The following SNX4 variants were observed in gnomAD, a reference collection of about 807,000 sequenced individuals.
SNX4 encodes the protein sorting nexin 4, also known as sorting nexin-4.
Under a neutral mutation model 70.8 loss-of-function variants are expected in SNX4, and 49 were observed. That is an observed-to-expected ratio of 0.69 (90% CI 0.55 to 0.88). SNX4 has a LOEUF of 0.88. Ranked by LOEUF, SNX4 falls within the 40% of genes least tolerant of loss-of-function variation. The pLI is 0.00. For synonymous variants in SNX4, 206 were observed against 183.8 expected (o/e 1.12, Z -0.98); for missense variants, 528 against 544.8 (o/e 0.97, Z 0.31).
intron 1 of SNX4, 40 bp from the exon 2 acceptor site, chr3:125,504,784 C>T (rs758196756): frequency 1.9e-6 from 3 of 1,596,554 alleles, no homozygotes; most frequent in Non-Finnish European, 2.6e-6. Context: ...CAACAAAAAC[C>T]TTTAAGATGG....
chr3:125,456,646 C>CA (rs1336427926), intron 11 of SNX4, among the ~76,000 whole-genome samples: 2 of 152,048 alleles, frequency 1.3e-5, no homozygotes, highest in Non-Finnish European at 2.9e-5. Context: ...GACCTTGTCT[C>CA]AAAAAATAAA....
intron 9 of SNX4, among the ~76,000 whole-genome samples, chr3:125,465,880 T>C (rs1459222032): frequency 6.6e-6 from 1 of 152,178 alleles, no homozygotes; most frequent in Non-Finnish European, 1.5e-5. Context: ...TGACCTTAAG[T>C]GATCCACCTG....
intron 5 of SNX4, among the ~76,000 whole-genome samples, chr3:125,496,387 C>T (rs1473759711): frequency 6.6e-6 from 1 of 152,098 alleles, no homozygotes; most frequent in Non-Finnish European, 1.5e-5. Context: ...AATTTTCCTC[C>T]TTCTAGTCTG....
chr3:125,506,344 C>CTTTTTTTTTTT (rs552693772), intron 1 of SNX4, among the ~76,000 whole-genome samples: 4 of 137,730 alleles, frequency 2.9e-5, no homozygotes, highest in African/African-American at 1.1e-4. Flanking sequence ...TTTTTCATTT[C>CTTTTTTTTTTT]TTTTTTTTTT....
intron 1 of SNX4, among the ~76,000 whole-genome samples, chr3:125,507,207 A>G (rs991394693): frequency 4.6e-5 from 7 of 151,476 alleles, no homozygotes; most frequent in African/African-American, 7.3e-5. Context: ...AAAAAAAAAA[A>G]AAAAGAAACC....
intron 8 of SNX4, among the ~76,000 whole-genome samples, chr3:125,471,258 C>T (rs571119768): frequency 1.4e-5 from 2 of 145,858 alleles, no homozygotes; most frequent in Admixed American, 7.0e-5. Flanking sequence ...GTGGGAGAAT[C>T]GCTTGAACCC....
At chr3:125,476,258 TCC>T (rs1934286212) in intron 8 of SNX4, among the ~76,000 whole-genome samples, 1 of 88,892 alleles carries the variant, frequency 1.1e-5, no homozygotes. Flanking sequence ...AGAGCAAGAC[TCC>T]ATCTCAAAAA....
At position 125,504,738 on chromosome 3, in the gene SNX4, G is replaced by A. The variant is rs1935010974; in HGVS notation, c.148C>T (p.His50Tyr). 2 of 1,612,870 alleles carry A rather than the reference G, an allele frequency of 1.2e-6. No individual in the cohort carries two copies. Among genetic ancestry groups the A allele is most frequent in the East Asian group, 4.5e-5 (2 of 44,842 alleles). ...ATCTTCTTCAACCAAAAATTATTGT[G>A]TGTCATCTGGACAAAAGTAAATAAA... Reference protein sequence around the residue: ...EESSGVDTMTHNNFWLKKIEI... With the variant: ...EESSGVDTMTYNNFWLKKIEI... The change falls in exon 2 of 14, where the codon CAC becomes TAC. Residue 50 changes from histidine (H) to tyrosine (Y), a missense_variant. Around this residue, in one of 3 missense-constraint regions of SNX4, gnomAD observed 341 missense variants for 312.2 expected, o/e 1.09. Transcript: ENST00000251775.
intron 7 of SNX4, among the ~76,000 whole-genome samples, chr3:125,477,362 C>T (rs1934310337): frequency 6.6e-6 from 1 of 152,158 alleles, no homozygotes; most frequent in Non-Finnish European, 1.5e-5. Flanking sequence ...ATTTTAATAA[C>T]AACAGAATTA....
At chr3:125,483,748 C>G (rs1427165512) in intron 6 of SNX4, among the ~76,000 whole-genome samples, 1 of 152,090 alleles carries the variant, frequency 6.6e-6, no homozygotes, top group Non-Finnish European at 1.5e-5. Flanking sequence ...TGAAAAAAAT[C>G]ACAATTACTG....
chr3:125,484,224 T>C (rs955460386), intron 6 of SNX4, among the ~76,000 whole-genome samples: 5 of 152,200 alleles, frequency 3.3e-5, no homozygotes, highest in African/African-American at 1.2e-4. Context: ...AAAGTACACC[T>C]ATTGCCATTA....
At position 125,515,073 on chromosome 3, in the gene SNX4, C is replaced by T. The variant is rs186776863; in HGVS notation, c.141+4959G>A. On this transcript the variant is annotated intron_variant, in intron 1 of 13. Transcript: ENST00000251775. The stretch of plus-strand genomic sequence containing the variant: ...ACAATCACATATTAAAGTATGTGTA[C>T]GCTGATTATGATGTAAAAGTGTATT... Among the ~76,000 whole-genome samples the T allele has an allele frequency of 8.5e-5, 13 of 152,208 alleles. 1 individual carries two copies. The East Asian group carries it at 1.5e-3, about 18-fold the overall frequency.
intron 9 of SNX4, among the ~76,000 whole-genome samples, chr3:125,461,469 T>C (rs1056660001): frequency 6.6e-6 from 1 of 152,196 alleles, no homozygotes; most frequent in African/African-American, 2.4e-5. Flanking sequence ...AAGAAGCTTG[T>C]AAGACTGTAA....
chr3:125,510,695 G>A (rs960487776), intron 1 of SNX4, among the ~76,000 whole-genome samples: 1 of 152,144 alleles, frequency 6.6e-6, no homozygotes, highest in South Asian at 2.1e-4. Flanking sequence ...ATGATTCCCT[G>A]TATATGAGGT....
chr3:125,473,368 C>G (rs890401225), intron 8 of SNX4, among the ~76,000 whole-genome samples: 2 of 152,020 alleles, frequency 1.3e-5, no homozygotes, highest in Non-Finnish European at 2.9e-5. Flanking sequence ...AAATTAACAC[C>G]AAAGATGTAC....
Position 125,460,877 on chromosome 3 carries a change from A to AAC in SNX4, c.855-19_855-18dup. On this transcript the variant is annotated splice_polypyrimidine_tract_variant and intron_variant, in intron 9 of 13. Coordinates refer to ENST00000251775, the MANE Select transcript of SNX4 (RefSeq NM_003794.4). Reference sequence around the variant, plus strand: ...GATGCATACCTGTTTTAAAAAAAAAAACACACATTGCATAGAGTTACTTTC... The same window carrying AAC: ...GATGCATACCTGTTTTAAAAAAAAAAACACACACATTGCATAGAGTTACTTTC... 1 of 1,229,858 alleles carries AAC rather than the reference A, an allele frequency of 8.1e-7. No homozygotes were observed. Among genetic ancestry groups the AAC allele is most frequent in the East Asian group, 2.4e-5 (1 of 40,840 alleles). 76.2% of individuals were successfully genotyped at this position (1,229,858 alleles called of 1,614,324 possible). A position where few individuals can be genotyped will look rare whatever the true frequency, so the allele number is the denominator to read the frequency against.
intron 1 of SNX4, 99 bp downstream of exon 1, chr3:125,519,933 C>T (rs1393112748): frequency 1.8e-6 from 2 of 1,093,832 alleles, no homozygotes; most frequent in African/African-American, 3.5e-5. Flanking sequence ...TCGGCCGAGC[C>T]CACTGGCCCG....
At chr3:125,511,538 AAG>A (rs945605773) in intron 1 of SNX4, among the ~76,000 whole-genome samples, 1 of 152,210 alleles carries the variant, frequency 6.6e-6, no homozygotes, top group African/African-American at 2.4e-5. Context: ...AAAGGTGAAA[AAG>A]AACAATAAAT....
At chr3:125,483,386 T>C (rs1242222634) in intron 6 of SNX4, among the ~76,000 whole-genome samples, 1 of 152,098 alleles carries the variant, frequency 6.6e-6, no homozygotes, top group Non-Finnish European at 1.5e-5. Context: ...CCAGAACTGA[T>C]TAGGTCCCCT....
Sources: allele counts gnomAD v4.1 joint callset (sites outside exome capture counted in the v4.1 genomes callset), GRCh38; gene constraint gnomAD v4.1.1; regional missense constraint gnomAD v4.1.1; transcripts MANE v1.5; gene names NCBI Gene and HGNC (gene_info 2026-07-23, HGNC 2026-07-21).